BCAR3: variants seen among roughly 807,000 people sequenced by gnomAD.
BCAR3 encodes the protein BCAR3 adaptor protein, NSP family member, also known as breast cancer anti-estrogen resistance protein 3.
A neutral mutation model predicts 80.1 loss-of-function variants in BCAR3; 37 were observed. That is an observed-to-expected ratio of 0.46 (90% CI 0.36 to 0.61). The LOEUF (loss-of-function observed/expected upper bound fraction) is 0.61, where lower values mean the gene tolerates loss of function less well. Ranked by LOEUF, BCAR3 falls within the 20% of genes least tolerant of loss-of-function variation. BCAR3 has a pLI of 0.00. For missense variants in BCAR3, 978 were observed against 1,068.2 expected, an observed-to-expected ratio of 0.92 and a Z score of 1.18; for synonymous variants, 389 against 418.9, an observed-to-expected ratio of 0.93 and a Z score of 0.87.
In BCAR3 at chr1:93,589,042, C is replaced by A; in HGVS notation, c.864G>T (p.Arg288Ser). ...LTKGRPDVAK[R>S]LSLTMGGVQA... The stretch of plus-strand genomic sequence containing the variant: ...GGACGCCACCCATGGTGAGGCTCAG[C>A]CTCTTGGCCACATCCGGCCTTCCCT... Residue 288 changes from arginine (R) to serine (S), a missense_variant, in exon 5 of 12, where the codon AGG (arginine) becomes AGT (serine). Transcript: ENST00000260502. 1 of 1,609,292 alleles carries A rather than the reference C, an allele frequency of 6.2e-7. No homozygotes were observed.
At position 93,642,284 on chromosome 1, in the gene BCAR3, GT is replaced by G. The variant is rs1224585588; in HGVS notation, c.357+19del. 5 of 1,612,002 alleles carry G rather than the reference GT, an allele frequency of 3.1e-6. No individual in the cohort carries two copies. The highest frequency in any genetic ancestry group is 1.7e-5 in the Admixed American group (1 of 60,000). On this transcript the variant is annotated intron_variant, in intron 3 of 11. Coordinates refer to ENST00000260502, the MANE Select transcript of BCAR3 (RefSeq NM_003567.4). ...CTACTACCCAGGGTCACGGCTACATGTTTAATTCTCATTTCCTACCTTCACA... is the reference window on the plus strand; with the variant it reads ...CTACTACCCAGGGTCACGGCTACATGTTAATTCTCATTTCCTACCTTCACA...
At chr1:93,599,488 G>A (rs1328014655) in intron 3 of BCAR3, 1 of 152,210 alleles carries the variant, frequency 6.6e-6, no homozygotes, top group African/African-American at 2.4e-5. Flanking sequence ...GTGGCTGAGG[G>A]TTTAGACCAT....
intron 2 of BCAR3, among the ~76,000 whole-genome samples, chr1:93,721,042 C>T (rs1355790881): frequency 2.0e-5 from 3 of 152,160 alleles, no homozygotes; most frequent in South Asian, 4.1e-4. Context: ...CTGGGAGCAC[C>T]GCTGGAATAG....
At chr1:93,629,995 G>A (rs536220601) in intron 3 of BCAR3, among the ~76,000 whole-genome samples, 1 of 152,294 alleles carries the variant, frequency 6.6e-6, no homozygotes, top group South Asian at 2.1e-4. Flanking sequence ...AGCATTACCT[G>A]CTTTGCAAAA....
intron 2 of BCAR3, among the ~76,000 whole-genome samples, chr1:93,829,951 A>T: frequency 6.6e-6 from 1 of 152,198 alleles, no homozygotes; most frequent in East Asian, 1.9e-4. Context: ...GTATAATGAT[A>T]GAGTTCTCAC....
At chr1:93,717,696 C>T (rs1425820839) in intron 2 of BCAR3, among the ~76,000 whole-genome samples, 2 of 149,948 alleles carry the variant, frequency 1.3e-5, no homozygotes, top group African/African-American at 4.9e-5. Context: ...CCGCTGTACT[C>T]CAGCCTGCAC....
At chr1:93,612,953 A>AT (rs1315670287) in intron 3 of BCAR3, among the ~76,000 whole-genome samples, 5 of 152,178 alleles carry the variant, frequency 3.3e-5, no homozygotes, top group South Asian at 2.1e-4. Context: ...AGTTTTCCTG[A>AT]TTTTTTTAAA....
At chr1:93,651,211 T>C (rs558906148) in intron 2 of BCAR3, among the ~76,000 whole-genome samples, 3 of 152,290 alleles carry the variant, frequency 2.0e-5, no homozygotes, top group South Asian at 4.1e-4. Context: ...TTAGGACTTC[T>C]GTATGGAAGA....
chr1:93,715,832 G>T (rs1214091368), intron 2 of BCAR3, among the ~76,000 whole-genome samples: 1 of 152,200 alleles, frequency 6.6e-6, no homozygotes, highest in Non-Finnish European at 1.5e-5. Flanking sequence ...GATAAAAGCT[G>T]TAGGCTTGGC....
At chr1:93,684,259 C>A (rs754268113), upstream of BCAR3, among the ~76,000 whole-genome samples, 2 of 152,130 alleles carry the variant, frequency 1.3e-5, no homozygotes, top group Non-Finnish European at 2.9e-5. Context: ...ATTAGTTTTT[C>A]TTGATTTTCA....
At chr1:93,815,550 C>T (rs956044154) in intron 2 of BCAR3, among the ~76,000 whole-genome samples, 3 of 151,992 alleles carry the variant, frequency 2.0e-5, no homozygotes, top group African/African-American at 4.8e-5. Flanking sequence ...GTAAAGCTGG[C>T]GCTGCAGATT....
At position 93,567,511 on chromosome 1, in the gene BCAR3, G is replaced by A; in HGVS notation, c.2087-20C>T. On this transcript the variant is annotated intron_variant, in intron 10 of 11. Transcript: ENST00000260502. Reference sequence around the variant, plus strand: ...TGGACTCTGAAGAATAAGGAGTAGAGTTTTCCATATCACATGTTTTCCAAA... The same window carrying A: ...TGGACTCTGAAGAATAAGGAGTAGAATTTTCCATATCACATGTTTTCCAAA... The A allele has an allele frequency of 6.2e-7, 1 of 1,610,042 alleles. No homozygotes were observed. Among genetic ancestry groups the A allele is most frequent in the Non-Finnish European group, 8.5e-7 (1 of 1,176,796 alleles).
At chr1:93,564,727 A>C (rs1015952722) in intron 11 of BCAR3, among the ~76,000 whole-genome samples, 2 of 152,204 alleles carry the variant, frequency 1.3e-5, no homozygotes, top group African/African-American at 4.8e-5. Flanking sequence ...ACTTTTTTGC[A>C]TATGGATATC....
intron 2 of BCAR3, among the ~76,000 whole-genome samples, chr1:93,787,454 C>G (rs1048141847): frequency 2.6e-5 from 4 of 152,118 alleles, no homozygotes; most frequent in Admixed American, 6.6e-5. Flanking sequence ...TTTAATGCTA[C>G]GAACTTTCCT....
intron 2 of BCAR3, among the ~76,000 whole-genome samples, chr1:93,782,735 T>C (rs1652806473): frequency 1.3e-5 from 2 of 152,302 alleles, no homozygotes; most frequent in South Asian, 2.1e-4. Flanking sequence ...GAAGCAATGA[T>C]AACCTCAGGG....
chr1:93,764,245 CA>C (rs1571108071), intron 2 of BCAR3, among the ~76,000 whole-genome samples: 1 of 152,012 alleles, frequency 6.6e-6, no homozygotes, highest in Non-Finnish European at 1.5e-5. Context: ...CCCACACTTC[CA>C]GGGGGCCCAT....
At chr1:93,671,411 C>G (rs1648197044) in intron 2 of BCAR3, among the ~76,000 whole-genome samples, 1 of 152,136 alleles carries the variant, frequency 6.6e-6, no homozygotes, top group African/African-American at 2.4e-5. Flanking sequence ...TCCCTCTGAG[C>G]AAGATAGAGG....
chr1:93,562,001 T>G lies in BCAR3; in HGVS notation c.*240A>C. ...TAGCTAGGTCTTCTCTTAAATTTGC[T>G]GATCAACATTAGCAGTAGTTACCTT... On this transcript the variant is annotated 3_prime_UTR_variant, in exon 12 of 12. Coordinates refer to ENST00000260502, the MANE Select transcript of BCAR3 (RefSeq NM_003567.4). 1 of 341,848 alleles carries G rather than the reference T, an allele frequency of 2.9e-6. No individual in the cohort carries two copies. Among genetic ancestry groups the G allele is most frequent in the Non-Finnish European group, 5.1e-6 (1 of 194,338 alleles). The allele number at this position is 341,848 out of a possible 1,614,324, so 21.2% of individuals were successfully genotyped here.
At chr1:93,819,680 G>C (rs887438374) in intron 2 of BCAR3, among the ~76,000 whole-genome samples, 5 of 152,278 alleles carry the variant, frequency 3.3e-5, no homozygotes, top group Admixed American at 3.3e-4. Flanking sequence ...ACGCTGCTGG[G>C]TGCGAGTATC....
Sources: allele counts gnomAD v4.1 joint callset (sites outside exome capture counted in the v4.1 genomes callset), GRCh38; gene constraint gnomAD v4.1.1; transcripts MANE v1.5; gene names NCBI Gene and HGNC (gene_info 2026-07-23, HGNC 2026-07-21).